Variants in CTNNA3 observed in about 807,000 individuals in gnomAD.
The protein encoded by CTNNA3 is catenin alpha 3.
In CTNNA3, 76 loss-of-function variants were observed where a neutral mutation model predicts 95.7. That is an observed-to-expected ratio of 0.79 (90% CI 0.66 to 0.96). The LOEUF is 0.96. CTNNA3 is among the 40% of genes least tolerant of loss of function. The probability of loss-of-function intolerance (pLI) is 0.00; values close to 1 mark genes in which losing one functional copy is unlikely to be tolerated. For missense variants in CTNNA3, 1,191 were observed against 1,089.8 expected, an observed-to-expected ratio of 1.09 and a Z score of -1.31; for synonymous variants, 431 against 374.4, an observed-to-expected ratio of 1.15 and a Z score of -1.74.
chr10:65,941,917 T>C (rs547071295), intron 17 of CTNNA3, among the ~76,000 whole-genome samples: 2 of 152,338 alleles, frequency 1.3e-5, no homozygotes, highest in East Asian at 3.9e-4. Flanking sequence ...GTCTTATTTC[T>C]AGAACTGGTG....
chr10:66,019,250 A>G (rs1180819200), intron 15 of CTNNA3, among the ~76,000 whole-genome samples: 1 of 152,216 alleles, frequency 6.6e-6, no homozygotes, highest in Non-Finnish European at 1.5e-5. Context: ...TTTCATAGGT[A>G]GGAATATGTA....
chr10:66,051,608 G>A (rs1320985895), intron 15 of CTNNA3, among the ~76,000 whole-genome samples: 2 of 152,176 alleles, frequency 1.3e-5, no homozygotes, highest in Admixed American at 1.3e-4. Context: ...TCTGAAGATA[G>A]TTTTGAATGA....
chr10:66,170,900 G>A (rs1255919503), intron 13 of CTNNA3, among the ~76,000 whole-genome samples: 5 of 152,020 alleles, frequency 3.3e-5, no homozygotes, highest in African/African-American at 9.7e-5. Context: ...TTGGGAGGCC[G>A]AGGTGGGTGG....
intron 15 of CTNNA3, among the ~76,000 whole-genome samples, chr10:66,010,498 A>G (rs939987937): frequency 6.6e-6 from 1 of 152,220 alleles, no homozygotes; most frequent in African/African-American, 2.4e-5. Context: ...AAAGATCTAA[A>G]GAACAAAAGA....
chr10:66,439,813 A>T (rs932456454), intron 11 of CTNNA3, among the ~76,000 whole-genome samples: 20 of 152,268 alleles, frequency 1.3e-4, no homozygotes, highest in African/African-American at 4.6e-4. Context: ...ATCATATATA[A>T]GGGCTGTTTA....
chr10:67,384,883 C>A (rs530942282), intron 5 of CTNNA3, among the ~76,000 whole-genome samples: 1 of 152,218 alleles, frequency 6.6e-6, no homozygotes, highest in East Asian at 1.9e-4. Flanking sequence ...TTCCCCTTTG[C>A]CTATTTGATA....
At chr10:67,491,378 T>C (rs1215031655) in intron 5 of CTNNA3, among the ~76,000 whole-genome samples, 1 of 152,106 alleles carries the variant, frequency 6.6e-6, no homozygotes, top group Non-Finnish European at 1.5e-5. Context: ...CTTATTACAG[T>C]AGAAGGAGAA....
chr10:66,642,583 A>G (rs1227762009), intron 9 of CTNNA3, among the ~76,000 whole-genome samples: 1 of 152,122 alleles, frequency 6.6e-6, no homozygotes, highest in Admixed American at 6.6e-5. Flanking sequence ...CCAGAGCTTT[A>G]CTATTCCCTT....
intron 7 of CTNNA3, among the ~76,000 whole-genome samples, chr10:67,061,148 A>G (rs1323531569): frequency 6.6e-6 from 1 of 152,204 alleles, no homozygotes; most frequent in African/African-American, 2.4e-5. Context: ...AAAATAACAG[A>G]GCTTTGAGAG....
intron 5 of CTNNA3, among the ~76,000 whole-genome samples, chr10:67,378,557 G>T (rs1479040394): frequency 6.7e-6 from 1 of 148,804 alleles, no homozygotes; most frequent in Non-Finnish European, 1.5e-5. Context: ...AGATCTGTGA[G>T]AATTCTGTGA....
chr10:66,914,130 C>CTT (rs3056545), intron 7 of CTNNA3, among the ~76,000 whole-genome samples: 44,524 of 120,146 alleles, frequency 0.37, 8,631 homozygotes, highest in Non-Finnish European at 0.45. Flanking sequence ...AGGGTGCCTT[C>CTT]TTTTTTTTTT....
In CTNNA3 at chr10:67,239,122, T is replaced by C. The variant is rs145380322; in HGVS notation, c.580-19252A>G. On this transcript the variant is annotated intron_variant, in intron 5 of 17. Coordinates refer to ENST00000433211, the MANE Select transcript of CTNNA3 (RefSeq NM_013266.4). ...CTATAACTATCTTCACATTAAATGG[T>C]AGTGAGGCCGTTGGTACGACTACTT... Among the ~76,000 whole-genome samples, 87 of 152,310 alleles carry C rather than the reference T, an allele frequency of 5.7e-4. No homozygotes were observed. The East Asian group carries it at 0.014, about 24-fold the overall frequency.
intron 5 of CTNNA3, among the ~76,000 whole-genome samples, chr10:67,427,842 T>A (rs745694497): frequency 1.3e-5 from 2 of 151,850 alleles, no homozygotes; most frequent in Non-Finnish European, 2.9e-5. Flanking sequence ...AGAAGATGGG[T>A]GGACTTGCAG....
chr10:66,093,949 A>C (rs2081300647), intron 14 of CTNNA3, among the ~76,000 whole-genome samples: 1 of 152,130 alleles, frequency 6.6e-6, no homozygotes, highest in South Asian at 2.1e-4. Flanking sequence ...ATGTAGTGCT[A>C]AAAGAAGACA....
chr10:67,666,910 A>C (rs1161558018), intron 1 of CTNNA3, among the ~76,000 whole-genome samples: 5 of 152,168 alleles, frequency 3.3e-5, no homozygotes, highest in East Asian at 1.9e-4. Context: ...TACCAAGAAG[A>C]AGCAGAATTG....
chr10:67,535,377 A>C (rs1277709510), intron 4 of CTNNA3, among the ~76,000 whole-genome samples: 1 of 152,150 alleles, frequency 6.6e-6, no homozygotes, highest in Non-Finnish European at 1.5e-5. Flanking sequence ...CAAAATCGAG[A>C]GTCAAAGGAT....
chr10:66,725,242 T>TA (rs1173512352), intron 9 of CTNNA3, among the ~76,000 whole-genome samples: 2 of 152,132 alleles, frequency 1.3e-5, no homozygotes, highest in African/African-American at 4.8e-5. Flanking sequence ...AACCCATAGA[T>TA]ACTAAGGGCC....
intron 10 of CTNNA3, among the ~76,000 whole-genome samples, chr10:66,521,461 G>A (rs886651874): frequency 6.6e-6 from 1 of 151,964 alleles, no homozygotes; most frequent in Non-Finnish European, 1.5e-5. Flanking sequence ...AAAGAAATCA[G>A]AAAGAACCAA....
At chr10:66,597,518 A>ATATATATATATATC (rs1843753600) in intron 10 of CTNNA3, among the ~76,000 whole-genome samples, 2 of 77,414 alleles carry the variant, frequency 2.6e-5, no homozygotes, top group African/African-American at 1.1e-4. Context: ...ATACATATAT[A>ATATATATATATATC]TATATATATA....
Sources: allele counts gnomAD v4.1 joint callset (sites outside exome capture counted in the v4.1 genomes callset), GRCh38; gene constraint gnomAD v4.1.1; transcripts MANE v1.5; gene names NCBI Gene and HGNC (gene_info 2026-07-23, HGNC 2026-07-21).